PRAMEF2: variants seen among roughly 807,000 people sequenced by gnomAD.
PRAMEF2 encodes PRAME family member 2.
In PRAMEF2, 35 loss-of-function variants were observed where a neutral mutation model predicts 38.0. The ratio of observed to expected loss-of-function variants is 0.92; its 90% confidence interval spans 0.70 to 1.22. The LOEUF is 1.22. Ranked by LOEUF, PRAMEF2 falls within the 50% of genes most tolerant of loss-of-function variation. PRAMEF2 has a pLI of 0.00. For missense variants in PRAMEF2, 562 were observed against 553.9 expected (o/e 1.01, Z -0.15); for synonymous variants, 240 against 232.4 (o/e 1.03, Z -0.30).
Position 12,861,228 on chromosome 1 carries a change from C to A in PRAMEF2, c.874C>A (p.Gln292Lys). The change falls in exon 4 of 4, where the codon CAG becomes AAG. Residue 292 changes from glutamine to lysine, a missense_variant. Physicochemically the swap from Gln to Lys is moderately conservative, Grantham distance 53. This residue lies in a region of PRAMEF2 where 486 missense variants were observed against 444.2 expected (regional missense o/e 1.09). Transcript: ENST00000240189. ...GHLEQLIRCLQNPLENLELTC... is the reference protein window; with the variant it reads ...GHLEQLIRCLKNPLENLELTC... ...ACTTCTTGATCTCCACAGGTGCCTC[C>A]AGAACCCCTTGGAGAACTTGGAATT... is the stretch of plus-strand genomic sequence containing the variant. 6.2e-7 allele frequency: 1 copy of A among 1,607,292 alleles called. No individual in the cohort carries two copies. Among genetic ancestry groups the A allele is most frequent in the Non-Finnish European group, 8.5e-7 (1 of 1,176,362 alleles).
chr1:12,861,387 G>C lies in PRAMEF2; in HGVS notation c.1033G>C (p.Glu345Gln). 2 of 1,604,406 alleles carry C rather than the reference G, an allele frequency of 1.2e-6. No homozygotes were observed. Among genetic ancestry groups the C allele is most frequent in the East Asian group, 2.2e-5 (1 of 44,504 alleles). The change falls in exon 4 of 4, where the codon GAG becomes CAG. Residue 345 changes from glutamate to glutamine, a missense_variant. Physicochemically the swap from Glu to Gln is conservative, Grantham distance 29. Around this residue, in one of 2 missense-constraint regions of PRAMEF2, gnomAD observed 486 missense variants for 444.2 expected, o/e 1.09. Coordinates refer to ENST00000240189, the MANE Select transcript of PRAMEF2 (RefSeq NM_023014.1). ...ISLEPLGALL[E>Q]KIAASLETLV... Reference sequence around the variant, plus strand: ...TCTTGAACCCCTAGGAGCTCTGCTAGAGAAAATTGCTGCCTCTCTCGAGAC... The same window carrying C: ...TCTTGAACCCCTAGGAGCTCTGCTACAGAAAATTGCTGCCTCTCTCGAGAC...
intron 1 of PRAMEF2, among the ~76,000 whole-genome samples, chr1:12,857,371 T>C (rs1281956617): frequency 6.7e-6 from 1 of 149,746 alleles, no homozygotes; most frequent in Non-Finnish European, 1.5e-5. Context: ...AAGCAGGTTT[T>C]TTAAAAATAT....
Position 12,859,111 on chromosome 1 carries a change from G to T in PRAMEF2, c.102G>T (p.Val34=), listed in dbSNP as rs1226415422. Residue 34 remains valine (V), a synonymous_variant, in exon 2 of 4, where the codon GTG becomes GTT. Transcript: ENST00000240189. ...CTGCCATGGAGGAGCTGCCCAGGGT[G>T]CTCTATCTCCCACTCTTCAGGGAGG... ...SISAMEELPR[V]LYLPLFREAF... is the part of the protein sequence containing the mutation. 2.5e-6 allele frequency: 4 copies of T among 1,606,290 alleles called. No individual in the cohort carries two copies. The highest frequency in any genetic ancestry group is 3.4e-6 in the Non-Finnish European group (4 of 1,176,726).
Position 12,861,659 on chromosome 1 carries a change from T to C in PRAMEF2, c.1305T>C (p.Ala435=). ...VNWEIFTPLR[A]ELMCTLREFR... is the part of the protein sequence containing the mutation. ...GGGAGATCTTCACCCCACTTCGGGC[T>C]GAGCTGATGTGTACACTGAGGGAAT... The change falls in exon 4 of 4, where the codon GCT becomes GCC. Residue 435 remains alanine, a synonymous_variant. Coordinates refer to ENST00000240189, the MANE Select transcript of PRAMEF2 (RefSeq NM_023014.1). The C allele has an allele frequency of 1.9e-6, 3 of 1,591,234 alleles. No homozygotes were observed. The highest frequency in any genetic ancestry group is 2.6e-6 in the Non-Finnish European group (3 of 1,167,422).
Position 12,860,143 on chromosome 1 carries a change from G to A in PRAMEF2, c.738G>A (p.Thr246=), listed in dbSNP as rs557708954. ...TTTTCTCCAGGTGCCATCATTACAC[G>A]TCAGATAATGAACTCGAGGGATGGT... ...KLVFSRCHHY[T]SDNELEGWLV... The change falls in exon 3 of 4, where the codon ACG becomes ACA. Residue 246 remains threonine, a synonymous_variant. Transcript: ENST00000240189. The A allele has an allele frequency of 5.0e-5, 80 of 1,606,742 alleles. 5 individuals are homozygous for A. The highest frequency in any genetic ancestry group is 1.2e-4 in the Admixed American group (7 of 58,118).
rs545568386 is a variant in PRAMEF2, at chr1:12,858,208, T to C, written c.-25-777T>C. ...TCCTCTGCCTCCAGAGTAGCTAGGA[T>C]TACAGTCATGCATGACCACACCTGG... On this transcript the variant is annotated intron_variant, in intron 1 of 3. Transcript: ENST00000240189. Among the ~76,000 whole-genome samples the C allele has an allele frequency of 4.8e-4, 72 of 149,996 alleles. 6 individuals are homozygous for C. In the South Asian group the frequency reaches 0.015, roughly 31 times the overall value.
At chr1:12,859,326 G>A (rs1640501047) in intron 2 of PRAMEF2, 30 bp downstream of exon 2, 1 of 1,607,206 alleles carries the variant, frequency 6.2e-7, no homozygotes, top group Non-Finnish European at 8.5e-7. Flanking sequence ...CTAGTAGATA[G>A]GGCTCAGGTG....
rs17404799 is a variant in PRAMEF2 at position 12,861,259 on chromosome 1, G to T, written c.905G>T (p.Cys302Phe). 1.5e-5 allele frequency: 24 copies of T among 1,604,816 alleles called. No homozygotes were observed. The highest frequency in any genetic ancestry group is 2.0e-5 in the Non-Finnish European group (24 of 1,175,756). The change falls in exon 4 of 4, where the codon TGT becomes TTT. Residue 302 changes from cysteine to phenylalanine, a missense_variant. Coordinates refer to ENST00000240189, the MANE Select transcript of PRAMEF2 (RefSeq NM_023014.1). ...QNPLENLELT[C>F]GNLLEEDLKC... Reference sequence around the variant, plus strand: ...CCCTTGGAGAACTTGGAATTAACTTGTGGCAACCTATTAGAAGAGGACTTG... The same window carrying T: ...CCCTTGGAGAACTTGGAATTAACTTTTGGCAACCTATTAGAAGAGGACTTG...
In PRAMEF2 at chr1:12,861,067, G is replaced by C. The variant is rs572733554; in HGVS notation, c.867-154G>C. On this transcript the variant is annotated intron_variant, in intron 3 of 3. Transcript: ENST00000240189. ...AATGGGACAGCCCCTGAACGATCAG[G>C]GTCCTCATCATGCAGCAACTTCCAT... Among the ~76,000 whole-genome samples the C allele has an allele frequency of 1.3e-5, 2 of 148,588 alleles. 1 individual carries two copies. The highest frequency in any genetic ancestry group is 1.4e-4 in the Admixed American group (2 of 14,498).
Position 12,858,852 on chromosome 1 carries a change from A to G in PRAMEF2, c.-25-133A>G, listed in dbSNP as rs527406561. 8 of 1,062,326 alleles carry G rather than the reference A, an allele frequency of 7.5e-6. No individual in the cohort carries two copies. The East Asian group carries it at 1.5e-4, about 19-fold the overall frequency. The allele number at this position is 1,062,326 out of a possible 1,614,324, so 65.8% of individuals were successfully genotyped here. Reference sequence around the variant, plus strand: ...AAGCAGAAGTATAGATTTGAGGCCAACAAGCACAGTGGAATTGGGGTAAAG... The same window carrying G: ...AAGCAGAAGTATAGATTTGAGGCCAGCAAGCACAGTGGAATTGGGGTAAAG... On this transcript the variant is annotated intron_variant, in intron 1 of 3. Transcript: ENST00000240189.
Position 12,861,893 on chromosome 1 carries a change from T to G in PRAMEF2, c.*114T>G. The G allele has an allele frequency of 1.4e-6, 2 of 1,411,004 alleles. No homozygotes were observed. The highest frequency in any genetic ancestry group is 1.9e-6 in the Non-Finnish European group (2 of 1,065,748). 87.4% of individuals were successfully genotyped at this position (1,411,004 alleles called of 1,614,324 possible). On this transcript the variant is annotated 3_prime_UTR_variant, in exon 4 of 4. Coordinates refer to ENST00000240189, the MANE Select transcript of PRAMEF2 (RefSeq NM_023014.1). Reference sequence around the variant, plus strand: ...TTCTCTTTTCTTATTTATTTCATTTTTTAATAATTCCAAAATTTTTATTAA... The same window carrying G: ...TTCTCTTTTCTTATTTATTTCATTTGTTAATAATTCCAAAATTTTTATTAA...
chr1:12,859,834 G>A lies in PRAMEF2; in HGVS notation c.429G>A (p.Glu143=), dbSNP rs1325843720. The A allele has an allele frequency of 6.2e-7, 1 of 1,607,422 alleles. No individual in the cohort carries two copies. Among genetic ancestry groups the A allele is most frequent in the Non-Finnish European group, 8.5e-7 (1 of 1,177,804 alleles). The change falls in exon 3 of 4, where the codon GAG becomes GAA. Residue 143 remains glutamate (E), a synonymous_variant. Coordinates refer to ENST00000240189, the MANE Select transcript of PRAMEF2 (RefSeq NM_023014.1). The part of the protein sequence containing the change: ...QTAEDCPRTG[E]HQPLKVFIDI... ...CAGAGGACTGTCCAAGGACGGGAGA[G>A]CACCAGCCCTTAAAGGTGTTCATAG...
chr1:12,858,099 C>T (rs56300929), intron 1 of PRAMEF2, among the ~76,000 whole-genome samples: 16,611 of 148,770 alleles, frequency 0.11, 1,324 homozygotes, highest in African/African-American at 0.13. Context: ...GCGATGTACT[C>T]TGAGTGCGTC....
chr1:12,860,408 G>A, intron 3 of PRAMEF2, 137 bp downstream of exon 3: 3 of 1,498,288 alleles, frequency 2.0e-6, no homozygotes, highest in Non-Finnish European at 2.7e-6. Flanking sequence ...TCAACACATT[G>A]TCCCATTCAG....
In PRAMEF2 at chr1:12,859,588, G is replaced by A. The variant is rs1194804026; in HGVS notation, c.288-105G>A. The A allele has an allele frequency of 1.0e-5, 16 of 1,532,138 alleles. No individual in the cohort carries two copies. The African/African-American group carries it at 1.9e-4, about 19-fold the overall frequency. 94.9% of individuals were successfully genotyped at this position (1,532,138 alleles called of 1,614,324 possible). A position where few individuals can be genotyped will look rare whatever the true frequency, so the allele number is the denominator to read the frequency against. Reference sequence around the variant, plus strand: ...GGATTGAGAAAAGACAAAGAGAACAGGGAGCACTGAGGACAGGAGCAGCTG... The same window carrying A: ...GGATTGAGAAAAGACAAAGAGAACAAGGAGCACTGAGGACAGGAGCAGCTG... On this transcript the variant is annotated intron_variant, in intron 2 of 3. Coordinates refer to ENST00000240189, the MANE Select transcript of PRAMEF2 (RefSeq NM_023014.1).
intron 1 of PRAMEF2, 131 bp from the exon 2 acceptor site, chr1:12,858,854 A>C (rs1569845629): frequency 1.9e-6 from 2 of 1,059,572 alleles, no homozygotes; most frequent in East Asian, 5.0e-5. Context: ...TGAGGCCAAC[A>C]AGCACAGTGG....
In PRAMEF2 at chr1:12,859,051, G is replaced by A. The variant is rs922609906; in HGVS notation, c.42G>A (p.Gly14=). ...QAPPRLLELA[G]QSLLRDQALS... is the part of the protein sequence containing the mutation. ...CACCGAGACTACTGGAGCTGGCGGG[G>A]CAGAGCCTGCTGAGAGACCAGGCCT... is the stretch of plus-strand genomic sequence containing the variant. Residue 14 remains glycine, a synonymous_variant, in exon 2 of 4, where the codon GGG becomes GGA. Transcript: ENST00000240189. The A allele has an allele frequency of 1.2e-5, 19 of 1,603,926 alleles. No individual in the cohort carries two copies. The highest frequency in any genetic ancestry group is 4.1e-5 in the African/African-American group (3 of 73,844).
intron 1 of PRAMEF2, 146 bp from the exon 2 acceptor site, chr1:12,858,839 A>T (rs564850262): frequency 1.1e-6 from 1 of 923,172 alleles, no homozygotes; most frequent in Admixed American, 3.0e-5. Context: ...GCAGAAGTAT[A>T]GATTTGAGGC....
chr1:12,859,318 A>G (rs9308464), intron 2 of PRAMEF2, 22 bp downstream of exon 2: 247,016 of 1,557,562 alleles, frequency 0.16, 24,111 homozygotes, highest in East Asian at 0.3. Flanking sequence ...CAGGAGGGCT[A>G]GTAGATAGGG....
Sources: allele counts gnomAD v4.1 joint callset (sites outside exome capture counted in the v4.1 genomes callset), GRCh38; gene constraint gnomAD v4.1.1; regional missense constraint gnomAD v4.1.1; transcripts MANE v1.5; gene names NCBI Gene and HGNC (gene_info 2026-07-23, HGNC 2026-07-21).